Variants in LRRC9 observed in about 807,000 individuals in gnomAD.
LRRC9 encodes the protein leucine rich repeat containing 9.
Under a neutral mutation model 63.2 loss-of-function variants are expected in LRRC9, and 122 were observed. The ratio of observed to expected loss-of-function variants is 1.93; its 90% CI spans 1.67 to 2.24. LRRC9 has a LOEUF of 2.24. Among genes scored for constraint, LRRC9 ranks in the 30% most tolerant of loss-of-function variants. The probability of loss-of-function intolerance (pLI) is 0.00; values close to 1 mark genes in which losing one functional copy is unlikely to be tolerated. For missense variants in LRRC9, 1,071 were observed against 627.7 expected, an observed-to-expected ratio of 1.71 and a Z score of -7.55; for synonymous variants, 366 against 213.1, an observed-to-expected ratio of 1.72 and a Z score of -6.25.
chr14:60,037,326 T>C lies in LRRC9; in HGVS notation c.3990+5263T>C, dbSNP rs185666762. Among the ~76,000 whole-genome samples, 407 of 152,330 alleles carry C rather than the reference T, an allele frequency of 2.7e-3. 19 individuals carry two copies. In the East Asian group the frequency reaches 0.07, roughly 26 times the overall value. On this transcript the variant is annotated intron_variant, in intron 29 of 31. Coordinates refer to ENST00000445360, the Ensembl canonical transcript of LRRC9. Reference sequence around the variant, plus strand: ...AAACGGTATTTCTAGTTCTAGATCCTTGAGGAATTGCCACACTGTCTTCCA... The same window carrying C: ...AAACGGTATTTCTAGTTCTAGATCCCTGAGGAATTGCCACACTGTCTTCCA...
chr14:59,967,112 C>A, exon 12 of LRRC9: 1 of 647,524 alleles, frequency 1.5e-6, no homozygotes, highest in Non-Finnish European at 2.9e-6. Flanking sequence ...CCGAAGGATG[C>A]TGGAATGCCT....
rs74407562 is a variant in LRRC9, at chr14:60,002,145, T to C, written c.2664+45T>C. 5,003 of 666,128 alleles carry C rather than the reference T, an allele frequency of 7.5e-3. 238 individuals carry two copies. The East Asian group carries it at 0.093, about 12-fold the overall frequency. 41.3% of individuals were successfully genotyped at this position (666,128 alleles called of 1,614,324 possible). On this transcript the variant is annotated intron_variant, in intron 20 of 31. Coordinates refer to ENST00000445360, the Ensembl canonical transcript of LRRC9. ...AACCTAATATAAAGCTTAATTTAAA[T>C]CTATTTTTAAGTCAGTGTTGGTCTG...
rs570069828 is a variant in LRRC9 at position 59,933,538 on chromosome 14, T to C, written c.543+1499T>C. ...TCCTCTAGAAAATACTGAAGAAAGA[T>C]AGGTAAATTTACTATAGAAATAATT... is the stretch of plus-strand genomic sequence containing the variant. On this transcript the variant is annotated intron_variant, in intron 6 of 31. Transcript: ENST00000445360. 2.2e-4 allele frequency among the ~76,000 whole-genome samples: 34 copies of C among 152,280 alleles called. 1 individual carries two copies. In the South Asian group the frequency reaches 7.0e-3, roughly 32 times the overall value.
chr14:60,014,159 G>C (rs1025309664), intron 23 of LRRC9, among the ~76,000 whole-genome samples: 4 of 151,908 alleles, frequency 2.6e-5, no homozygotes, highest in Non-Finnish European at 5.9e-5. Context: ...CATTTTACCA[G>C]TTTGAGTAAA....
chr14:59,975,128 T>C lies in LRRC9; in HGVS notation c.1639+420T>C, dbSNP rs1278818948. On this transcript the variant is annotated intron_variant, in intron 13 of 31. Coordinates refer to ENST00000445360, the Ensembl canonical transcript of LRRC9. ...ATATATATATGTATATATATATATG[T>C]ATATATATATACATATATATATGTA... Among the ~76,000 whole-genome samples, 4 of 10,012 alleles carry C rather than the reference T, an allele frequency of 4.0e-4. 1 individual carries two copies. Among genetic ancestry groups the C allele is most frequent in the African/African-American group, 5.7e-4 (3 of 5,296 alleles). 6.6% of individuals were successfully genotyped at this position (10,012 alleles called of 152,430 possible).
chr14:60,040,690 C>G (rs144260700), intron 29 of LRRC9, among the ~76,000 whole-genome samples: 1 of 151,826 alleles, frequency 6.6e-6, no homozygotes, highest in Non-Finnish European at 1.5e-5. Context: ...TACAGCACAC[C>G]AATGGGTCTT....
rs150682475 is a variant in LRRC9 at position 59,986,951 on chromosome 14, A to G, written c.2211+1727A>G. Among the ~76,000 whole-genome samples, 52 of 152,292 alleles carry G rather than the reference A, an allele frequency of 3.4e-4. No homozygotes were observed. The highest frequency in any genetic ancestry group is 1.1e-3 in the African/African-American group (46 of 41,572). ...AGTCTCTAAAAATGACTCTAAGGAT[A>G]TTAGAGGTGGCCAGAGAGAGGAGAA... On this transcript the variant is annotated intron_variant, in intron 17 of 31. Transcript: ENST00000445360. This position sits in a 1 kb window ranked among gnomAD's most constrained non-coding sequence, Gnocchi z 4.7.
At chr14:59,935,495 T>C (rs1172175271) in intron 6 of LRRC9, among the ~76,000 whole-genome samples, 1 of 152,194 alleles carries the variant, frequency 6.6e-6, no homozygotes, top group Non-Finnish European at 1.5e-5. Flanking sequence ...AAGGCTTCTA[T>C]CCTTTGACCT....
At position 60,027,084 on chromosome 14, in the gene LRRC9, T is replaced by C. The variant is rs1284385150; in HGVS notation, c.3704-800T>C. Among the ~76,000 whole-genome samples the C allele has an allele frequency of 6.6e-6, 1 of 152,072 alleles. No individual in the cohort carries two copies. Among genetic ancestry groups the C allele is most frequent in the Non-Finnish European group, 1.5e-5 (1 of 67,974 alleles). ...ATATTGACTGAAATGTAGTATGGCA[T>C]ACTAGAAAGATAATTGAGCTTAAAA... On this transcript the variant is annotated intron_variant, in intron 27 of 31. Transcript: ENST00000445360. The surrounding 1 kb of genome is among the most constrained non-coding windows in gnomAD (Gnocchi z 4.0).
intron 29 of LRRC9, among the ~76,000 whole-genome samples, chr14:60,041,127 C>A (rs1270107654): frequency 6.6e-6 from 1 of 151,192 alleles, no homozygotes; most frequent in Non-Finnish European, 1.5e-5. Flanking sequence ...CTGAGAGATC[C>A]ACTTTTAGTC....
chr14:60,057,976 C>T (rs1894405698), exon 31 of LRRC9: 2 of 674,794 alleles, frequency 3.0e-6, no homozygotes, highest in Non-Finnish European at 5.5e-6. Flanking sequence ...CTAGTGGATT[C>T]AGCCATTACT....
chr14:60,050,066 G>A (rs535235365), intron 29 of LRRC9, among the ~76,000 whole-genome samples: 3 of 151,596 alleles, frequency 2.0e-5, no homozygotes, highest in South Asian at 2.1e-4. Context: ...GCACAATCTC[G>A]GCTCACTGCA....
chr14:60,043,926 T>A (rs1394803887), intron 29 of LRRC9, among the ~76,000 whole-genome samples: 5 of 151,890 alleles, frequency 3.3e-5, no homozygotes, highest in Admixed American at 6.6e-5. Context: ...AGTGAATTCA[T>A]CAGGTACTGG....
chr14:59,932,433 TTATC>T lies in LRRC9; in HGVS notation c.543+397_543+400del, dbSNP rs139253583. Among the ~76,000 whole-genome samples the T allele has an allele frequency of 2.6e-5, 4 of 152,228 alleles. No homozygotes were observed. Among genetic ancestry groups the T allele is most frequent in the Non-Finnish European group, 4.4e-5 (3 of 67,982 alleles). On this transcript the variant is annotated intron_variant, in intron 6 of 31. Transcript: ENST00000445360. The surrounding 1 kb of genome is among the most constrained non-coding windows in gnomAD (Gnocchi z 4.7). ...CATGCCTTAAGACTTTAAATACCGT[TTATC>T]TACCCTTTAAACTAGTACCTTTACT...
chr14:60,018,383 G>T (rs775748818), exon 25 of LRRC9: 8 of 700,118 alleles, frequency 1.1e-5, no homozygotes, highest in Non-Finnish European at 1.8e-5. Context: ...CAGTGGATTT[G>T]ATTCCAGTCG....
rs553401455 is a variant in LRRC9 at position 60,042,880 on chromosome 14, C to T, written c.3991-10185C>T. On this transcript the variant is annotated intron_variant, in intron 29 of 31. Transcript: ENST00000445360. The surrounding 1 kb of genome is among the most constrained non-coding windows in gnomAD (Gnocchi z 4.2). ...TTCCTATTAGGCCATCTTGGAACCT[C>T]CCATGTATTGTCATTTTAACAATAT... Among the ~76,000 whole-genome samples the T allele has an allele frequency of 2.0e-5, 3 of 152,254 alleles. No homozygotes were observed. Among genetic ancestry groups the T allele is most frequent in the Non-Finnish European group, 4.4e-5 (3 of 68,010 alleles).
At chr14:60,047,397 C>G (rs1338715742) in intron 29 of LRRC9, among the ~76,000 whole-genome samples, 1 of 151,900 alleles carries the variant, frequency 6.6e-6, no homozygotes, top group Non-Finnish European at 1.5e-5. Context: ...AGTATGCTGT[C>G]TTTAAGAGAT....
rs893265483 is a variant in LRRC9 at position 59,942,727 on chromosome 14, C to CA, written c.727-1854dup. Among the ~76,000 whole-genome samples, 25 of 150,854 alleles carry CA rather than the reference C, an allele frequency of 1.7e-4. No homozygotes were observed. The highest frequency in any genetic ancestry group is 7.2e-4 in the Admixed American group (11 of 15,198). On this transcript the variant is annotated intron_variant, in intron 7 of 31. Transcript: ENST00000445360. The surrounding 1 kb of genome is among the most constrained non-coding windows in gnomAD (Gnocchi z 5.3). ...TGGGTGACAGAGTGAGACTCCGTCT[C>CA]AAAAAAAAGAGTTCCCTTTGCTCTG...
At chr14:59,975,089 G>GTATA (rs1316412467) in intron 13 of LRRC9, among the ~76,000 whole-genome samples, 1 of 33,166 alleles carries the variant, frequency 3.0e-5, no homozygotes, top group Non-Finnish European at 8.7e-5. Flanking sequence ...TGTGTGTAGT[G>GTATA]TATATATATA....
Sources: allele counts gnomAD v4.1 joint callset (sites outside exome capture counted in the v4.1 genomes callset), GRCh38; gene constraint gnomAD v4.1.1; non-coding constraint Gnocchi (gnomAD v3.1); transcripts MANE v1.5; gene names NCBI Gene and HGNC (gene_info 2026-07-23, HGNC 2026-07-21).